The following TAFA1 variants were observed in gnomAD, a reference collection of about 807,000 sequenced individuals.
TAFA1 encodes the protein TAFA chemokine like family member 1.
TAFA1 carries 4 observed loss-of-function variants against 18.5 expected under a neutral mutation model. The observed-to-expected ratio is 0.22, with a 90% CI of 0.11 to 0.49. The LOEUF is 0.49. Ranked by LOEUF, TAFA1 falls within the 20% of genes least tolerant of loss-of-function variation. The pLI is 0.98. For missense variants in TAFA1, 147 were observed against 169.0 expected (o/e 0.87, Z 0.72); for synonymous variants, 56 against 55.2 (o/e 1.01, Z -0.06).
chr3:68,074,425 T>C (rs1049584866), intron 2 of TAFA1, among the ~76,000 whole-genome samples: 1 of 152,176 alleles, frequency 6.6e-6, no homozygotes, highest in Non-Finnish European at 1.5e-5. Flanking sequence ...CAAGTTCAAA[T>C]TCCTGAGGTT....
At chr3:68,182,599 C>G (rs894461618) in intron 2 of TAFA1, among the ~76,000 whole-genome samples, 2 of 152,178 alleles carry the variant, frequency 1.3e-5, no homozygotes, top group Non-Finnish European at 2.9e-5. Context: ...ATCACATTAA[C>G]ATGAACAACA....
intron 3 of TAFA1, among the ~76,000 whole-genome samples, chr3:68,509,429 G>T (rs1031683806): frequency 6.6e-6 from 1 of 152,030 alleles, no homozygotes; most frequent in Non-Finnish European, 1.5e-5. Flanking sequence ...CTCCTGAAAT[G>T]CAAAATTCCA....
chr3:68,044,456 CTAAGAGGCCCTGGA>C (rs1705227738), intron 2 of TAFA1, among the ~76,000 whole-genome samples: 1 of 152,084 alleles, frequency 6.6e-6, no homozygotes, highest in Non-Finnish European at 1.5e-5. Context: ...CTGCAGTGAC[CTAAGAGGCCCTGGA>C]TAATCCTGCC....
chr3:68,239,530 C>A (rs930602554), intron 2 of TAFA1, among the ~76,000 whole-genome samples: 3 of 82,828 alleles, frequency 3.6e-5, no homozygotes, highest in African/African-American at 1.1e-4. Context: ...AACTACACCC[C>A]TAGCCTGACC....
intron 2 of TAFA1, among the ~76,000 whole-genome samples, chr3:68,076,136 T>C (rs76538625): frequency 0.03 from 4,636 of 152,264 alleles, 253 homozygotes; most frequent in African/African-American, 0.11. Context: ...TTGGTGAAAG[T>C]TGAATGGAAA....
chr3:68,362,092 G>T (rs1049925671), intron 2 of TAFA1, among the ~76,000 whole-genome samples: 1 of 152,050 alleles, frequency 6.6e-6, no homozygotes, highest in African/African-American at 2.4e-5. Context: ...GTTGGGTTGG[G>T]TTTTGTTGGT....
chr3:68,154,983 T>C lies in TAFA1; in HGVS notation c.118+148239T>C, dbSNP rs1237812999. On this transcript the variant is annotated intron_variant, in intron 2 of 4. Coordinates refer to ENST00000478136, the MANE Select transcript of TAFA1 (RefSeq NM_213609.4). The stretch of plus-strand genomic sequence containing the variant: ...AATAAAAGTTGAGATGCATTGATTA[T>C]ATTGATTACTTATATCGGGGTTATG... Among the ~76,000 whole-genome samples, 4 of 152,360 alleles carry C rather than the reference T, an allele frequency of 2.6e-5. No individual in the cohort carries two copies. In the East Asian group the frequency reaches 7.7e-4, roughly 29 times the overall value.
intron 2 of TAFA1, among the ~76,000 whole-genome samples, chr3:68,393,855 A>G (rs948519747): frequency 1.3e-4 from 20 of 152,132 alleles, no homozygotes; most frequent in African/African-American, 4.8e-4. Context: ...GTATTGATGG[A>G]ATGTATCTCA....
chr3:68,034,151 A>G (rs1704996452), intron 2 of TAFA1, among the ~76,000 whole-genome samples: 1 of 152,192 alleles, frequency 6.6e-6, no homozygotes, highest in Non-Finnish European at 1.5e-5. Context: ...GATTAAGCTA[A>G]ATAAATAGTA....
At chr3:68,220,854 C>T (rs940176205) in intron 2 of TAFA1, among the ~76,000 whole-genome samples, 1 of 151,054 alleles carries the variant, frequency 6.6e-6, no homozygotes, top group Non-Finnish European at 1.5e-5. Flanking sequence ...TTCAGCATCC[C>T]TCGGTGCATG....
At chr3:68,243,241 T>C (rs924185670) in intron 2 of TAFA1, among the ~76,000 whole-genome samples, 7 of 152,164 alleles carry the variant, frequency 4.6e-5, no homozygotes, top group South Asian at 2.1e-4. Context: ...ATTAACATCA[T>C]GCATAATACC....
At chr3:68,046,349 C>T (rs1000192704) in intron 2 of TAFA1, among the ~76,000 whole-genome samples, 11 of 151,958 alleles carry the variant, frequency 7.2e-5, no homozygotes, top group Admixed American at 5.3e-4. Flanking sequence ...CATAGTTAAC[C>T]GACTTCTAAA....
intron 2 of TAFA1, among the ~76,000 whole-genome samples, chr3:68,324,321 T>G (rs1051864160): frequency 2.0e-5 from 3 of 152,232 alleles, no homozygotes; most frequent in African/African-American, 7.2e-5. Flanking sequence ...CCATAGATGT[T>G]AGATGCTAAT....
chr3:68,264,057 C>T (rs1907588), intron 2 of TAFA1, among the ~76,000 whole-genome samples: 25,903 of 151,782 alleles, frequency 0.17, 2,641 homozygotes, highest in Admixed American at 0.31. Context: ...TTTGGGAAGC[C>T]GAGGTGGGCG....
chr3:68,231,587 C>G (rs1405048749), intron 2 of TAFA1, among the ~76,000 whole-genome samples: 1 of 151,438 alleles, frequency 6.6e-6, no homozygotes, highest in African/African-American at 2.4e-5. Flanking sequence ...GTCTCGATCT[C>G]CTGACCTCAT....
At chr3:68,115,652 C>G (rs1011340014) in intron 2 of TAFA1, among the ~76,000 whole-genome samples, 1 of 152,138 alleles carries the variant, frequency 6.6e-6, no homozygotes, top group Admixed American at 6.5e-5. Context: ...TCAGTCATGC[C>G]GGAGGCGTGG....
chr3:68,166,659 C>T (rs561129936), intron 2 of TAFA1, among the ~76,000 whole-genome samples: 2 of 152,262 alleles, frequency 1.3e-5, no homozygotes, highest in South Asian at 2.1e-4. Flanking sequence ...CTGCCACACT[C>T]CTCCCTTGTG....
At chr3:68,195,842 T>C (rs1434178409) in intron 2 of TAFA1, among the ~76,000 whole-genome samples, 2 of 151,768 alleles carry the variant, frequency 1.3e-5, no homozygotes, top group African/African-American at 4.8e-5. Flanking sequence ...TATATGTCTT[T>C]GTATTTCCTT....
chr3:68,419,760 C>T (rs1298027858), intron 3 of TAFA1, among the ~76,000 whole-genome samples: 2 of 152,018 alleles, frequency 1.3e-5, no homozygotes, highest in East Asian at 3.9e-4. Context: ...CATTGTGGGT[C>T]AGTAGGTGGT....
Sources: allele counts gnomAD v4.1 joint callset (sites outside exome capture counted in the v4.1 genomes callset), GRCh38; gene constraint gnomAD v4.1.1; transcripts MANE v1.5; gene names NCBI Gene and HGNC (gene_info 2026-07-23, HGNC 2026-07-21).